The following DMXL1 variants were observed in gnomAD, a reference collection of about 807,000 sequenced individuals.
The protein encoded by DMXL1 is Dmx like 1, also known as dmX-like protein 1.
DMXL1 carries 99 observed loss-of-function variants against 319.2 expected under a neutral mutation model. That is an observed-to-expected ratio of 0.31 (90% CI 0.26 to 0.37). The LOEUF (loss-of-function observed/expected upper bound fraction) is 0.37, where lower values mean the gene tolerates loss of function less well. Among genes scored for constraint, DMXL1 ranks in the 10% least tolerant of loss-of-function variants. The pLI, the probability that DMXL1 is intolerant of heterozygous loss-of-function variation, is 1.00. For missense variants in DMXL1, 3,745 were observed against 3,595.6 expected, an observed-to-expected ratio of 1.04 and a Z score of -1.06; for synonymous variants, 1,385 against 1,235.2, an observed-to-expected ratio of 1.12 and a Z score of -2.54.
intron 10 of DMXL1, among the ~76,000 whole-genome samples, chr5:119,132,209 A>G (rs1765059762): frequency 6.6e-6 from 1 of 152,198 alleles, no homozygotes; most frequent in Non-Finnish European, 1.5e-5. Flanking sequence ...AGAATATGTG[A>G]CAATTGATCT....
At position 119,178,094 on chromosome 5, in the gene DMXL1, A is replaced by G; in HGVS notation, c.6985A>G (p.Ser2329Gly). 6.2e-7 allele frequency: 1 copy of G among 1,614,016 alleles called. No individual in the cohort carries two copies. The highest frequency in any genetic ancestry group is 1.3e-5 in the African/African-American group (1 of 75,060). ...TGAGATTCTCACAGCAGTGTATCTT[A>G]GTCTCTTCATCCATGGCCTGGCCAC... is the stretch of plus-strand genomic sequence containing the variant. ...LCEILTAVYLSLFIHGLATHS... is the reference protein window; with the variant it reads ...LCEILTAVYLGLFIHGLATHS... Residue 2329 changes from serine to glycine, a missense_variant, in exon 28 of 44, where the codon AGT (serine) becomes GGT (glycine). By Grantham distance (56) the Ser-to-Gly change is moderately conservative (BLOSUM62 0). Coordinates refer to ENST00000539542, the MANE Select transcript of DMXL1 (RefSeq NM_001290321.3).
At position 119,177,475 on chromosome 5, in the gene DMXL1, C is replaced by T; in HGVS notation, c.6877C>T (p.Gln2293Ter). The change falls in exon 27 of 44, where the codon CAA becomes TAA. Residue 2293 changes from glutamine to a stop codon, truncating the protein, a stop_gained. Transcript: ENST00000539542. LOFTEE classifies it high-confidence loss of function. ...ATTAACTCCCAATACGTCACCAGCT[C>T]AATGGCCAGGTATAATTTTTATGTA... is the stretch of plus-strand genomic sequence containing the variant. ...EALTPNTSPAQWPGITCLIRL... is the reference protein window; with the variant it reads ...EALTPNTSPA 1 of 1,598,692 alleles carries T rather than the reference C, an allele frequency of 6.3e-7. No homozygotes were observed. Among genetic ancestry groups the T allele is most frequent in the Non-Finnish European group, 8.5e-7 (1 of 1,174,100 alleles).
At chr5:119,185,257 TAAGTAG>T (rs1777508771) in intron 28 of DMXL1, among the ~76,000 whole-genome samples, 2 of 152,296 alleles carry the variant, frequency 1.3e-5, no homozygotes, top group East Asian at 3.9e-4. Flanking sequence ...AAAATAAATC[TAAGTAG>T]AAGTTGTAGT....
chr5:119,136,163 A>G (rs986467291), intron 13 of DMXL1, among the ~76,000 whole-genome samples: 3 of 152,248 alleles, frequency 2.0e-5, no homozygotes, highest in African/African-American at 7.2e-5. Context: ...GCTTTAGCAA[A>G]GAGACTGGTT....
chr5:119,142,595 AAATT>A (rs1341875045), intron 13 of DMXL1, among the ~76,000 whole-genome samples: 1 of 152,022 alleles, frequency 6.6e-6, no homozygotes, highest in Admixed American at 6.6e-5. Flanking sequence ...ATGGGAGTGT[AAATT>A]AATTCAACCG....
Position 119,146,200 on chromosome 5 carries a change from G to A in DMXL1, c.2570-637G>A, listed in dbSNP as rs538225423. Among the ~76,000 whole-genome samples, 82 of 151,558 alleles carry A rather than the reference G, an allele frequency of 5.4e-4. 1 individual carries two copies. The highest frequency in any genetic ancestry group is 1.9e-3 in the African/African-American group (77 of 41,396). ...ATTTTGTTTTTATAATGTAATTTTC[G>A]TTTACCTAATTGTGCACATAGTGAA... On this transcript the variant is annotated intron_variant, in intron 15 of 43. Coordinates refer to ENST00000539542, the MANE Select transcript of DMXL1 (RefSeq NM_001290321.3).
At chr5:119,182,661 ACT>A (rs1199950053) in intron 28 of DMXL1, among the ~76,000 whole-genome samples, 1 of 152,088 alleles carries the variant, frequency 6.6e-6, no homozygotes, top group East Asian at 1.9e-4. Context: ...TTTTTATTAG[ACT>A]CTAGTCTGGC....
chr5:119,162,236 C>T (rs1460140012), intron 19 of DMXL1, among the ~76,000 whole-genome samples: 1 of 152,178 alleles, frequency 6.6e-6, no homozygotes, highest in African/African-American at 2.4e-5. Context: ...GTGGTCCTCG[C>T]AGGTGTCTCA....
Position 119,216,094 on chromosome 5 carries a change from CAAAAAAAA to C in DMXL1, c.7927-786_7927-779del, listed in dbSNP as rs773591355. On this transcript the variant is annotated intron_variant, in intron 34 of 43. Coordinates refer to ENST00000539542, the MANE Select transcript of DMXL1 (RefSeq NM_001290321.3). ...GCCTGGGCGACAAGAGCATCCATCTCAAAAAAAAAAAAAAAAAAAAAAAAAAAAGCAGG... is the reference window on the plus strand; with the variant it reads ...GCCTGGGCGACAAGAGCATCCATCTCAAAAAAAAAAAAAAAAAAAAGCAGG... Among the ~76,000 whole-genome samples the C allele has an allele frequency of 4.5e-4, 17 of 37,364 alleles. No individual in the cohort carries two copies. In the South Asian group the frequency reaches 0.016, roughly 36 times the overall value. The allele number at this position is 37,364 out of a possible 152,430, so 24.5% of individuals were successfully genotyped here.
chr5:119,111,208 A>G (rs959587270), intron 5 of DMXL1, among the ~76,000 whole-genome samples: 1 of 122,086 alleles, frequency 8.2e-6, no homozygotes. Flanking sequence ...TATAAAATGA[A>G]ACAAAAATAT....
chr5:119,233,852 A>G (rs1387779906), intron 39 of DMXL1, among the ~76,000 whole-genome samples: 1 of 152,166 alleles, frequency 6.6e-6, no homozygotes, highest in Non-Finnish European at 1.5e-5. Flanking sequence ...GTGCTGAATC[A>G]CCATCTGCAT....
intron 28 of DMXL1, among the ~76,000 whole-genome samples, chr5:119,189,332 T>G (rs1778298050): frequency 6.6e-6 from 1 of 152,178 alleles, no homozygotes. Context: ...GTTGTTGCTT[T>G]TAATTAACAC....
intron 39 of DMXL1, among the ~76,000 whole-genome samples, chr5:119,233,860 C>T (rs1453408602): frequency 6.6e-6 from 1 of 152,136 alleles, no homozygotes; most frequent in African/African-American, 2.4e-5. Flanking sequence ...TCACCATCTG[C>T]ATTTTAACCC....
rs143024499 is a variant in DMXL1 at position 119,167,754 on chromosome 5, A to G, written c.5288A>G (p.Asn1763Ser). ...DSPVSELCSLNINMHHDPFLR... is the reference protein window; with the variant it reads ...DSPVSELCSLSINMHHDPFLR... The stretch of plus-strand genomic sequence containing the variant: ...CCTGTCAGTGAACTGTGTTCATTGA[A>G]CATAAATATGCATCATGATCCTTTT... Residue 1763 changes from asparagine (N) to serine (S), a missense_variant, in exon 23 of 44, where the codon AAC (asparagine) becomes AGC (serine). Physicochemically the swap from Asn to Ser is conservative, Grantham distance 46 (BLOSUM62 1). Transcript: ENST00000539542. 421 of 1,613,718 alleles carry G rather than the reference A, an allele frequency of 2.6e-4. 1 individual carries two copies. In the Middle Eastern group the frequency reaches 3.6e-3, roughly 14 times the overall value.
chr5:119,222,782 CT>C (rs1036766511), intron 37 of DMXL1, among the ~76,000 whole-genome samples: 1 of 152,136 alleles, frequency 6.6e-6, no homozygotes, highest in African/African-American at 2.4e-5. Context: ...TATTCTACAT[CT>C]GATTCTCTTT....
In DMXL1 at chr5:119,125,102, A is replaced by G. The variant is rs144055859; in HGVS notation, c.1102+3963A>G. On this transcript the variant is annotated intron_variant, in intron 9 of 43. Transcript: ENST00000539542. ...CCGTTTAAATCTGTTACTGTTAATA[A>G]TAGTGGCAAACATTATGTTGGAAGT... Among the ~76,000 whole-genome samples, 519 of 152,330 alleles carry G rather than the reference A, an allele frequency of 3.4e-3. 3 individuals carry two copies. The highest frequency in any genetic ancestry group is 0.012 in the African/African-American group (511 of 41,566).
intron 28 of DMXL1, chr5:119,178,624 G>A (rs1776261183): frequency 1.0e-6 from 1 of 985,210 alleles, no homozygotes; most frequent in Non-Finnish European, 1.2e-6. Flanking sequence ...TATTCTCCAT[G>A]GAATGTGTGG....
In DMXL1 at chr5:119,206,881, G is replaced by T; in HGVS notation, c.7911G>T (p.Glu2637Asp). The stretch of plus-strand genomic sequence containing the variant: ...CCATCAAAAATTCTATGATGGAGGA[G>T]CCAAACATCAATAAGGTACAAAATA... ...SETIKNSMME[E>D]PNINKIEADL... The change falls in exon 34 of 44, where the codon GAG becomes GAT. Residue 2637 changes from glutamate (E) to aspartate (D), a missense_variant. Coordinates refer to ENST00000539542, the MANE Select transcript of DMXL1 (RefSeq NM_001290321.3). 6.6e-7 allele frequency: 1 copy of T among 1,525,038 alleles called. No individual in the cohort carries two copies. 94.5% of individuals were successfully genotyped at this position (1,525,038 alleles called of 1,614,324 possible).
intron 19 of DMXL1, 34 bp downstream of exon 19, chr5:119,152,070 A>C (rs1406068176): frequency 7.0e-7 from 1 of 1,437,098 alleles, no homozygotes; most frequent in African/African-American, 1.4e-5. Context: ...AAGGGAAATA[A>C]AGCGAGTAGA....
Sources: gnomAD v4.1 joint callset for allele counts (sites outside exome capture counted in the v4.1 genomes callset) on GRCh38, gnomAD v4.1.1 for gene constraint, MANE v1.5 for transcripts, NCBI Gene and HGNC (gene_info 2026-07-23, HGNC 2026-07-21) for gene names.